CHST11: variants seen among roughly 807,000 people sequenced by gnomAD.
CHST11 encodes C4S-1.
In CHST11, 9 loss-of-function variants were observed where a neutral mutation model predicts 30.4. That is an observed-to-expected ratio of 0.30 (90% CI 0.18 to 0.52). The LOEUF is 0.52. CHST11 is among the 20% of genes least tolerant of loss of function. The probability of loss-of-function intolerance (pLI) is 0.97; values close to 1 mark genes in which losing one functional copy is unlikely to be tolerated. For missense variants in CHST11, 348 were observed against 460.6 expected (o/e 0.76, Z 2.24); for synonymous variants, 152 against 187.8 (o/e 0.81, Z 1.56).
chr12:104,741,291 G>A (rs2040344867), intron 2 of CHST11, among the ~76,000 whole-genome samples: 1 of 152,210 alleles, frequency 6.6e-6, no homozygotes, highest in Non-Finnish European at 1.5e-5. Flanking sequence ...TCCAGGCAGG[G>A]GTAGGAGGAG....
intron 2 of CHST11, among the ~76,000 whole-genome samples, chr12:104,621,726 C>T (rs2039160739): frequency 1.3e-5 from 2 of 152,218 alleles, no homozygotes; most frequent in South Asian, 2.1e-4. Context: ...CCAGAAGGAA[C>T]GCAAGCCTGC....
intron 1 of CHST11, among the ~76,000 whole-genome samples, chr12:104,522,517 G>A (rs186092626): frequency 1.3e-5 from 2 of 152,280 alleles, no homozygotes; most frequent in African/African-American, 2.4e-5. Context: ...ATTACCTGGT[G>A]TACTTTAAAA....
At chr12:104,549,887 A>ATTCCACTATTGCATTC (rs1344558178) in intron 1 of CHST11, among the ~76,000 whole-genome samples, 1 of 152,204 alleles carries the variant, frequency 6.6e-6, no homozygotes, top group Non-Finnish European at 1.5e-5. Flanking sequence ...AGCCTGGGCG[A>ATTCCACTATTGCATTC]CAGAGTGAGA....
intron 1 of CHST11, among the ~76,000 whole-genome samples, chr12:104,467,783 G>A (rs2135952124): frequency 6.6e-6 from 1 of 152,326 alleles, no homozygotes; most frequent in South Asian, 2.1e-4. Context: ...GGAAACCACA[G>A]AGGCCCCTCT....
intron 1 of CHST11, among the ~76,000 whole-genome samples, chr12:104,476,040 A>G (rs896369756): frequency 6.9e-6 from 1 of 144,834 alleles, no homozygotes; most frequent in Non-Finnish European, 1.5e-5. Context: ...ATATACATAT[A>G]TGTAATACTT....
chr12:104,600,329 C>T lies in CHST11; in HGVS notation c.119-1577C>T, dbSNP rs75060928. On this transcript the variant is annotated intron_variant, in intron 1 of 2. Transcript: ENST00000303694. This position sits in a 1 kb window ranked among gnomAD's most constrained non-coding sequence, Gnocchi z 4.1. ...CTGGGCTAACCCCCTGCAGCCAGCC[C>T]TCCCAGTCATTTGAGCTGCACCCTG... Among the ~76,000 whole-genome samples the T allele has an allele frequency of 2.0e-5, 3 of 152,310 alleles. No homozygotes were observed. The East Asian group carries it at 5.8e-4, about 29-fold the overall frequency.
chr12:104,732,047 A>C (rs139480755), intron 2 of CHST11, among the ~76,000 whole-genome samples: 9 of 152,226 alleles, frequency 5.9e-5, no homozygotes, highest in Admixed American at 5.9e-4. Context: ...AGAAACTGCA[A>C]CCAGCTCCAC....
In CHST11 at chr12:104,729,077, T is replaced by C. The variant is rs1275606880; in HGVS notation, c.205-27872T>C. Among the ~76,000 whole-genome samples, 1 of 152,190 alleles carries C rather than the reference T, an allele frequency of 6.6e-6. No homozygotes were observed. The highest frequency in any genetic ancestry group is 3.2e-3 in the Middle Eastern group (1 of 316). Reference sequence around the variant, plus strand: ...GGGAATTTTATTTTCGTGTTATTGTTTTCCTCTAATTATTACCATTAGTTT... The same window carrying C: ...GGGAATTTTATTTTCGTGTTATTGTCTTCCTCTAATTATTACCATTAGTTT... On this transcript the variant is annotated intron_variant, in intron 2 of 2. Coordinates refer to ENST00000303694, the MANE Select transcript of CHST11 (RefSeq NM_018413.6). The surrounding 1 kb of genome is among the most constrained non-coding windows in gnomAD (Gnocchi z 4.0).
At chr12:104,679,882 C>T (rs1420036602) in intron 2 of CHST11, among the ~76,000 whole-genome samples, 2 of 152,166 alleles carry the variant, frequency 1.3e-5, no homozygotes, top group African/African-American at 4.8e-5. Context: ...CCTGACTGTC[C>T]AGAGGAAGAG....
intron 2 of CHST11, among the ~76,000 whole-genome samples, chr12:104,751,165 G>A (rs2040428784): frequency 6.6e-6 from 1 of 152,190 alleles, no homozygotes; most frequent in African/African-American, 2.4e-5. Flanking sequence ...CTGCCTTTGT[G>A]GTCCTGAATG....
At chr12:104,648,029 G>A (rs139047607) in intron 2 of CHST11, among the ~76,000 whole-genome samples, 1 of 152,210 alleles carries the variant, frequency 6.6e-6, no homozygotes, top group Non-Finnish European at 1.5e-5. Context: ...GCCACATGCT[G>A]TCACTTGCAT....
At chr12:104,635,592 C>T (rs1264019339) in intron 2 of CHST11, among the ~76,000 whole-genome samples, 1 of 152,208 alleles carries the variant, frequency 6.6e-6, no homozygotes, top group Non-Finnish European at 1.5e-5. Flanking sequence ...TCGCCGTTTT[C>T]CAACATTTGG....
chr12:104,726,416 A>G (rs1053562097), intron 2 of CHST11, among the ~76,000 whole-genome samples: 6 of 152,230 alleles, frequency 3.9e-5, no homozygotes, highest in African/African-American at 1.4e-4. Flanking sequence ...ATTAAAATGA[A>G]AAACTAAGGG....
At chr12:104,745,151 G>T (rs2040380473) in intron 2 of CHST11, among the ~76,000 whole-genome samples, 2 of 152,188 alleles carry the variant, frequency 1.3e-5, no homozygotes, top group African/African-American at 4.8e-5. Context: ...TGGGATTACA[G>T]GCATAAGCCA....
chr12:104,488,753 G>A (rs2037716019), intron 1 of CHST11, among the ~76,000 whole-genome samples: 1 of 146,816 alleles, frequency 6.8e-6, no homozygotes, highest in Non-Finnish European at 1.5e-5. Context: ...GTGTGTGTGT[G>A]TGTGTGTGTG....
chr12:104,687,020 G>T (rs1009866845), intron 2 of CHST11, among the ~76,000 whole-genome samples: 1 of 152,214 alleles, frequency 6.6e-6, no homozygotes, highest in African/African-American at 2.4e-5. Flanking sequence ...TCTCTACAGG[G>T]ATTGGTTTGA....
At chr12:104,596,848 C>A (rs1351463005) in intron 1 of CHST11, among the ~76,000 whole-genome samples, 1 of 152,136 alleles carries the variant, frequency 6.6e-6, no homozygotes, top group Non-Finnish European at 1.5e-5. Flanking sequence ...GCAGTTCAGG[C>A]AAGCATGTAA....
At chr12:104,546,356 TAC>T (rs3039118) in intron 1 of CHST11, among the ~76,000 whole-genome samples, 83,107 of 150,440 alleles carry the variant, frequency 0.55, 23,999 homozygotes, top group East Asian at 0.98. Context: ...TAGTCCCAGC[TAC>T]ATGGGAGGCT....
intron 2 of CHST11, among the ~76,000 whole-genome samples, chr12:104,692,936 A>G (rs910793355): frequency 6.6e-6 from 1 of 151,322 alleles, no homozygotes; most frequent in African/African-American, 2.4e-5. Flanking sequence ...GGTACCAGAA[A>G]GGCTGGGACT....
Sources: allele counts gnomAD v4.1 joint callset (sites outside exome capture counted in the v4.1 genomes callset), GRCh38; gene constraint gnomAD v4.1.1; non-coding constraint Gnocchi (gnomAD v3.1); transcripts MANE v1.5; gene names NCBI Gene and HGNC (gene_info 2026-07-23, HGNC 2026-07-21).